The following DPP6 variants were observed in gnomAD, a reference collection of about 807,000 sequenced individuals.
DPP6 encodes dipeptidyl peptidase like 6, also known as A-type potassium channel modulatory protein DPP6.
A neutral mutation model predicts 122.6 loss-of-function variants in DPP6; 69 were observed. The ratio of observed to expected loss-of-function variants is 0.56; its 90% CI spans 0.46 to 0.69. The LOEUF is 0.69. Among genes scored for constraint, DPP6 ranks in the 30% least tolerant of loss-of-function variants. DPP6 has a pLI of 0.00. For synonymous variants in DPP6, 418 were observed against 433.1 expected (o/e 0.97, Z 0.43); for missense variants, 928 against 1,116.9 (o/e 0.83, Z 2.41).
intron 1 of DPP6, among the ~76,000 whole-genome samples, chr7:154,040,563 A>C (rs1189239687): frequency 6.8e-6 from 1 of 147,784 alleles, no homozygotes; most frequent in African/African-American, 2.7e-5. Flanking sequence ...CTCACATTCA[A>C]ACAACAATTC....
intron 7 of DPP6, among the ~76,000 whole-genome samples, chr7:154,675,298 T>C (rs1838831227): frequency 6.6e-6 from 1 of 152,132 alleles, no homozygotes; most frequent in South Asian, 2.1e-4. Context: ...ATAGCACATG[T>C]ATACCTATGT....
chr7:153,759,347 C>G, the DPP6 span, among the ~76,000 whole-genome samples: 5 of 150,990 alleles, frequency 3.3e-5, no homozygotes, highest in Non-Finnish European at 7.4e-5. Flanking sequence ...GAGACCCAGT[C>G]TCGCTCTGTC....
rs868274319 is a variant in DPP6 at position 154,241,223 on chromosome 7, A to G, written c.243+188160A>G. 0.015 allele frequency among the ~76,000 whole-genome samples: 1,070 copies of G among 70,102 alleles called. 11 individuals are homozygous for G. Among genetic ancestry groups the G allele is most frequent in the East Asian group, 0.11 (304 of 2,726 alleles). 46.0% of individuals were successfully genotyped at this position (70,102 alleles called of 152,430 possible). A position where few individuals can be genotyped will look rare whatever the true frequency, so the allele number is the denominator to read the frequency against. On this transcript the variant is annotated intron_variant, in intron 1 of 25. Coordinates refer to ENST00000377770, the MANE Select transcript of DPP6 (RefSeq NM_130797.4). The surrounding 1 kb of genome is among the most constrained non-coding windows in gnomAD (Gnocchi z 9.0). ...TGTGTGTGTGTGTGTGTGTGTGTAT[A>G]TATATATAGAGAGAGAGAGAGACAC...
At chr7:154,420,093 T>G (rs1425567669) in intron 1 of DPP6, among the ~76,000 whole-genome samples, 1 of 152,040 alleles carries the variant, frequency 6.6e-6, no homozygotes, top group Non-Finnish European at 1.5e-5. Flanking sequence ...TCCCAACACT[T>G]TGGGAGGCTG....
intron 1 of DPP6, among the ~76,000 whole-genome samples, chr7:154,257,708 C>CAAAT (rs34222497): frequency 0.29 from 43,901 of 151,622 alleles, 6,437 homozygotes; most frequent in African/African-American, 0.31. Flanking sequence ...CAAAAATAAA[C>CAAAT]AAATAAATAA....
chr7:153,862,840 G>A, the DPP6 span, among the ~76,000 whole-genome samples: 1 of 151,784 alleles, frequency 6.6e-6, no homozygotes, highest in Admixed American at 6.6e-5. Context: ...ACAACAAATC[G>A]GTAACATATA....
chr7:154,821,146 C>A lies in DPP6; in HGVS notation c.1666+14034C>A, dbSNP rs975720609. 6.6e-6 allele frequency among the ~76,000 whole-genome samples: 1 copy of A among 152,172 alleles called. No individual in the cohort carries two copies. Among genetic ancestry groups the A allele is most frequent in the African/African-American group, 2.4e-5 (1 of 41,438 alleles). ...CCAGGAATGGTTGAGCTTCTCATAA[C>A]CTATCTAATGGGCTGTGAATTGTGT... On this transcript the variant is annotated intron_variant, in intron 16 of 25. Transcript: ENST00000377770. This position sits in a 1 kb window ranked among gnomAD's most constrained non-coding sequence, Gnocchi z 4.2.
At chr7:154,546,291 G>A (rs1001774335) in intron 4 of DPP6, among the ~76,000 whole-genome samples, 25 of 152,020 alleles carry the variant, frequency 1.6e-4, no homozygotes, top group African/African-American at 5.8e-4. Context: ...GTTGGGTGGT[G>A]AGATTTTGTG....
chr7:154,326,274 G>A lies in DPP6; in HGVS notation c.244-119940G>A, dbSNP rs79795130. Among the ~76,000 whole-genome samples, 1,043 of 152,096 alleles carry A rather than the reference G, an allele frequency of 6.9e-3. 26 individuals are homozygous for A. Among genetic ancestry groups the A allele is most frequent in the East Asian group, 0.057 (295 of 5,164 alleles). On this transcript the variant is annotated intron_variant, in intron 1 of 25. Coordinates refer to ENST00000377770, the MANE Select transcript of DPP6 (RefSeq NM_130797.4). Reference sequence around the variant, plus strand: ...TACAAGCCTTGGGTTCTGTTTATGGGGATGTCACCTTCTATGACTCAGGTC... The same window carrying A: ...TACAAGCCTTGGGTTCTGTTTATGGAGATGTCACCTTCTATGACTCAGGTC...
intron 1 of DPP6, among the ~76,000 whole-genome samples, chr7:153,970,263 T>G (rs1378501001): frequency 1.3e-5 from 2 of 152,232 alleles, no homozygotes; most frequent in African/African-American, 4.8e-5. Context: ...TGACAAATGA[T>G]GAGTATCTTT....
intron 1 of DPP6, among the ~76,000 whole-genome samples, chr7:154,159,848 C>T (rs894264630): frequency 6.0e-4 from 91 of 151,846 alleles, no homozygotes; most frequent in Admixed American, 1.3e-4. Context: ...GTGTCTCACA[C>T]CTGTAATCCC....
chr7:153,922,083 G>C (rs1377175084), intron 1 of DPP6, among the ~76,000 whole-genome samples: 1 of 152,236 alleles, frequency 6.6e-6, no homozygotes, highest in Non-Finnish European at 1.5e-5. Context: ...TCCTGAGTGG[G>C]AGTCTAGAGG....
chr7:154,035,780 T>C (rs1799487331), intron 1 of DPP6, among the ~76,000 whole-genome samples: 2 of 152,242 alleles, frequency 1.3e-5, no homozygotes, highest in African/African-American at 2.4e-5. Context: ...ATTATTTCCA[T>C]AGATCAAGGA....
At chr7:154,885,875 C>A in intron 22 of DPP6, 131 bp downstream of exon 22, 10 of 1,244,524 alleles carry the variant, frequency 8.0e-6, no homozygotes, top group Non-Finnish European at 8.8e-6. Context: ...GCCACAGTCA[C>A]CACCTTGGGC....
intron 1 of DPP6, chr7:154,057,915 A>G (rs1167680435): frequency 6.6e-6 from 1 of 151,064 alleles, no homozygotes; most frequent in Non-Finnish European, 1.5e-5. Context: ...CAGGGTTGCT[A>G]AAGAATGGCC....
chr7:154,063,376 C>CA (rs1802343506), intron 1 of DPP6, among the ~76,000 whole-genome samples: 2 of 132,356 alleles, frequency 1.5e-5, no homozygotes, highest in African/African-American at 2.8e-5. Flanking sequence ...TGGCACCCCC[C>CA]ACGAGGGTGG....
At chr7:154,595,809 C>A (rs537835151) in intron 5 of DPP6, among the ~76,000 whole-genome samples, 3 of 152,280 alleles carry the variant, frequency 2.0e-5, no homozygotes, top group Admixed American at 2.0e-4. Flanking sequence ...GCCTGTAATC[C>A]CAGTACTTTA....
At chr7:154,008,682 G>A (rs1489358012) in intron 1 of DPP6, among the ~76,000 whole-genome samples, 1 of 123,140 alleles carries the variant, frequency 8.1e-6, no homozygotes. Flanking sequence ...TTTTTTTTGA[G>A]ACGGAGTCTC....
intron 1 of DPP6, among the ~76,000 whole-genome samples, chr7:154,182,654 C>T (rs751633681): frequency 7.9e-5 from 12 of 151,910 alleles, no homozygotes; most frequent in Admixed American, 1.3e-4. Flanking sequence ...GCAGCCTTTC[C>T]GGAGGTGAAG....
Sources: gnomAD v4.1 joint callset for allele counts (sites outside exome capture counted in the v4.1 genomes callset) on GRCh38, gnomAD v4.1.1 for gene constraint, Gnocchi (gnomAD v3.1) non-coding constraint, MANE v1.5 for transcripts, NCBI Gene and HGNC (gene_info 2026-07-23, HGNC 2026-07-21) for gene names.